Variants in GLDN observed in about 807,000 individuals in gnomAD.
GLDN encodes collomin.
A neutral mutation model predicts 56.5 loss-of-function variants in GLDN; 47 were observed. The ratio of observed to expected loss-of-function variants is 0.83; its 90% confidence interval spans 0.66 to 1.06. The LOEUF (loss-of-function observed/expected upper bound fraction) is 1.06. Ranked by LOEUF, GLDN falls within the 50% of genes least tolerant of loss-of-function variation. The pLI is 0.00. For missense variants in GLDN, 782 were observed against 714.3 expected, an observed-to-expected ratio of 1.09 and a Z score of -1.08; for synonymous variants, 332 against 278.8, an observed-to-expected ratio of 1.19 and a Z score of -1.90.
intron 1 of GLDN, among the ~76,000 whole-genome samples, chr15:51,345,037 T>C (rs2141043953): frequency 6.6e-6 from 1 of 152,200 alleles, no homozygotes; most frequent in South Asian, 2.1e-4. Context: ...AATAAGGAAA[T>C]GGGGATCTGG....
Position 51,399,353 on chromosome 15 carries a change from G to A in GLDN, c.818-839G>A, listed in dbSNP as rs569261550. On this transcript the variant is annotated intron_variant, in intron 6 of 9. Coordinates refer to ENST00000335449, the MANE Select transcript of GLDN (RefSeq NM_181789.4). Reference sequence around the variant, plus strand: ...ACCACAAGGTGATTTGAACCCCTCAGGATTTGAGTGGGCCTGAGGTTCAGT... The same window carrying A: ...ACCACAAGGTGATTTGAACCCCTCAAGATTTGAGTGGGCCTGAGGTTCAGT... Among the ~76,000 whole-genome samples the A allele has an allele frequency of 6.6e-5, 10 of 152,302 alleles. No individual in the cohort carries two copies. The East Asian group carries it at 1.9e-3, about 29-fold the overall frequency.
chr15:51,404,425 G>A lies in GLDN; in HGVS notation c.1327G>A (p.Asp443Asn). The A allele has an allele frequency of 6.2e-7, 1 of 1,614,180 alleles. No homozygotes were observed. The highest frequency in any genetic ancestry group is 8.5e-7 in the Non-Finnish European group (1 of 1,180,044). Residue 443 changes from aspartate (D) to asparagine (N), a missense_variant, in exon 10 of 10, where the codon GAC becomes AAC. Physicochemically the swap from Asp to Asn is conservative, Grantham distance 23. Coordinates refer to ENST00000335449, the MANE Select transcript of GLDN (RefSeq NM_181789.4). The part of the protein sequence containing the change: ...GLWIIYASSV[D>N]GSSILVAQLD... The stretch of plus-strand genomic sequence containing the variant: ...TTGGATTATCTATGCGTCAAGTGTG[G>A]ACGGCTCGAGCATTCTTGTAGCACA...
chr15:51,341,882 C>G lies in GLDN; in HGVS notation c.198C>G (p.Arg66=), dbSNP rs1225847952. 1 of 1,575,532 alleles carries G rather than the reference C, an allele frequency of 6.3e-7. No individual in the cohort carries two copies. The highest frequency in any genetic ancestry group is 1.1e-5 in the South Asian group (1 of 89,044). ...GREQREDSAL[R]SFLAELSRAP... is the part of the protein sequence containing the mutation. ...AGCAGCGCGAGGACAGTGCCCTGCG[C>G]TCCTTCCTGGCCGAGTTGAGCCGCG... Residue 66 remains arginine (R), a synonymous_variant, in exon 1 of 10, where the codon CGC becomes CGG. Coordinates refer to ENST00000335449, the MANE Select transcript of GLDN (RefSeq NM_181789.4).
chr15:51,381,156 G>A (rs886134470), intron 2 of GLDN, among the ~76,000 whole-genome samples: 9 of 152,302 alleles, frequency 5.9e-5, no homozygotes, highest in African/African-American at 1.9e-4. Context: ...CCTTGGCCAC[G>A]GCTAACGTGT....
At chr15:51,357,622 T>G (rs1195599703) in intron 1 of GLDN, among the ~76,000 whole-genome samples, 1 of 152,186 alleles carries the variant, frequency 6.6e-6, no homozygotes, top group African/African-American at 2.4e-5. Context: ...TTTTTCTACC[T>G]TTCCTGAGAA....
chr15:51,394,696 T>C (rs958252028), intron 4 of GLDN, 139 bp from the exon 5 acceptor site: 2 of 730,806 alleles, frequency 2.7e-6, no homozygotes, highest in Non-Finnish European at 4.6e-6. Context: ...GTCACACTGC[T>C]GCTCTAAAAT....
intron 1 of GLDN, among the ~76,000 whole-genome samples, chr15:51,363,336 T>C (rs951325228): frequency 6.6e-6 from 1 of 152,244 alleles, no homozygotes; most frequent in Non-Finnish European, 1.5e-5. Flanking sequence ...ATCAATCAAC[T>C]GTATTGTGAG....
In GLDN at chr15:51,344,356, G is replaced by A. The variant is rs141732230; in HGVS notation, c.363+2309G>A. Among the ~76,000 whole-genome samples, 572 of 152,314 alleles carry A rather than the reference G, an allele frequency of 3.8e-3. 14 individuals are homozygous for A. The highest frequency in any genetic ancestry group is 0.031 in the Admixed American group (469 of 15,294). The stretch of plus-strand genomic sequence containing the variant: ...CCCATCAAGGCCTTTGCTTCAGGAC[G>A]AGGAGCCAATTTTATTACTGAAAAG... On this transcript the variant is annotated intron_variant, in intron 1 of 9. Transcript: ENST00000335449.
intron 1 of GLDN, among the ~76,000 whole-genome samples, chr15:51,356,015 G>T (rs2037177272): frequency 6.7e-6 from 1 of 149,950 alleles, no homozygotes; most frequent in South Asian, 2.2e-4. Context: ...AGACCATCCT[G>T]GCTAACATGG....
chr15:51,351,715 T>C (rs1350501334), intron 1 of GLDN, among the ~76,000 whole-genome samples: 1 of 152,238 alleles, frequency 6.6e-6, no homozygotes, highest in East Asian at 1.9e-4. Flanking sequence ...ACCTGGGATC[T>C]TTCTTCATTG....
intron 1 of GLDN, among the ~76,000 whole-genome samples, chr15:51,361,581 T>C: frequency 6.6e-6 from 1 of 152,194 alleles, no homozygotes; most frequent in East Asian, 1.9e-4. Flanking sequence ...CAAAGATTCA[T>C]TCATTCAATA....
intron 6 of GLDN, among the ~76,000 whole-genome samples, chr15:51,398,998 G>T (rs1278507884): frequency 6.6e-6 from 1 of 152,178 alleles, no homozygotes; most frequent in Non-Finnish European, 1.5e-5. Flanking sequence ...TAAATGAAAG[G>T]CATTATCTTC....
At chr15:51,368,967 C>T (rs2037460863) in intron 1 of GLDN, 1 of 152,206 alleles carries the variant, frequency 6.6e-6, no homozygotes, top group African/African-American at 2.4e-5. Flanking sequence ...GGGTACTAAA[C>T]TGTGGCCTCC....
intron 1 of GLDN, chr15:51,360,353 T>G (rs572707537): frequency 6.6e-6 from 1 of 152,374 alleles, no homozygotes; most frequent in East Asian, 1.9e-4. Context: ...CAAAAAGGAC[T>G]GCCCAAACAA....
intron 1 of GLDN, among the ~76,000 whole-genome samples, chr15:51,351,947 A>C (rs868333196): frequency 2.0e-5 from 3 of 152,196 alleles, no homozygotes; most frequent in African/African-American, 4.8e-5. Context: ...TTTAAGGGAG[A>C]TCATATAGGT....
chr15:51,412,817 T>C (rs773813195), downstream of GLDN, among the ~76,000 whole-genome samples: 5 of 152,212 alleles, frequency 3.3e-5, no homozygotes, highest in Non-Finnish European at 7.3e-5. Flanking sequence ...CTACATCTAT[T>C]TGTGTATCGT....
chr15:51,355,941 C>G (rs150203131), intron 1 of GLDN, among the ~76,000 whole-genome samples: 11 of 150,658 alleles, frequency 7.3e-5, no homozygotes, highest in Admixed American at 2.0e-4. Flanking sequence ...GGTGTGGTGG[C>G]TCACGCCTGT....
intron 6 of GLDN, among the ~76,000 whole-genome samples, chr15:51,398,225 T>A (rs1489246694): frequency 6.6e-6 from 1 of 152,236 alleles, no homozygotes; most frequent in African/African-American, 2.4e-5. Context: ...TCTCAGGGCA[T>A]CTTCCATTTA....
intron 4 of GLDN, among the ~76,000 whole-genome samples, chr15:51,389,336 C>A (rs1345879175): frequency 2.6e-5 from 4 of 152,156 alleles, no homozygotes; most frequent in Non-Finnish European, 4.4e-5. Flanking sequence ...TGAATGCATG[C>A]ATGAATGAAT....
Sources: gnomAD v4.1 joint callset for allele counts (sites outside exome capture counted in the v4.1 genomes callset) on GRCh38, gnomAD v4.1.1 for gene constraint, MANE v1.5 for transcripts, NCBI Gene and HGNC (gene_info 2026-07-23, HGNC 2026-07-21) for gene names.